Variants in CRNN observed in about 807,000 individuals in gnomAD.
CRNN encodes cornulin, also known as 53 kDa putative calcium-binding protein.
Under a neutral mutation model 44.7 loss-of-function variants are expected in CRNN, and 39 were observed. The ratio of observed to expected loss-of-function variants is 0.87; its 90% confidence interval spans 0.68 to 1.14. CRNN has a LOEUF of 1.14. CRNN is among the 50% of genes most tolerant of loss of function. The pLI, the probability that CRNN is intolerant of heterozygous loss-of-function variation, is 0.00. For synonymous variants in CRNN, 240 were observed against 231.8 expected (o/e 1.04, Z -0.32); for missense variants, 606 against 605.1 (o/e 1.00, Z -0.02).
chr1:152,409,790 C>T lies in CRNN; in HGVS notation c.1292G>A (p.Gly431Glu). 6.2e-7 allele frequency: 1 copy of T among 1,614,226 alleles called. No homozygotes were observed. Among genetic ancestry groups the T allele is most frequent in the Admixed American group, 1.7e-5 (1 of 60,024 alleles). Residue 431 changes from glycine (G) to glutamate (E), a missense_variant, in exon 3 of 3, where the codon GGA becomes GAA. Gly to Glu is a moderately conservative substitution (Grantham distance 98). Transcript: ENST00000271835. Reference protein sequence around the residue: ...HPRRCVTEGQGDRQPTVVGEE... With the variant: ...HPRRCVTEGQEDRQPTVVGEE... ...ACCAACCACTGTGGGCTGTCTGTCT[C>T]CCTGCCCTTCTGTCACACAGCGCCT...
At position 152,410,349 on chromosome 1, in the gene CRNN, C is replaced by A; in HGVS notation, c.733G>T (p.Asp245Tyr). 1 of 1,614,162 alleles carries A rather than the reference C, an allele frequency of 6.2e-7. No homozygotes were observed. The highest frequency in any genetic ancestry group is 8.5e-7 in the Non-Finnish European group (1 of 1,180,034). ...GTTCTTCCTGTCTGGTGGCTGCTGT[C>A]CTGCTCCACAGTCTGGGTGGCACCT... ...QAGATQTVEQ[D>Y]SSHQTGRTSK... Residue 245 changes from aspartate to tyrosine, a missense_variant, in exon 3 of 3, where the codon GAC becomes TAC. By Grantham distance (160) the Asp-to-Tyr change is radical. Coordinates refer to ENST00000271835, the MANE Select transcript of CRNN (RefSeq NM_016190.3).
rs79051784 is a variant in CRNN, at chr1:152,414,260, G to A, written c.-60C>T. 9.5e-3 allele frequency: 1,443 copies of A among 152,484 alleles called. 28 individuals carry two copies. Among genetic ancestry groups the A allele is most frequent in the African/African-American group, 0.034 (1,398 of 41,570 alleles). 9.4% of individuals were successfully genotyped at this position (152,484 alleles called of 1,614,324 possible). On this transcript the variant is annotated 5_prime_UTR_variant, in exon 1 of 3. Coordinates refer to ENST00000271835, the MANE Select transcript of CRNN (RefSeq NM_016190.3). ...ACAAGTGGCTGTTAAGTGGTGTGAGGAGTACCAGGTCAGTGTGATGAGAAC... is the reference window on the plus strand; with the variant it reads ...ACAAGTGGCTGTTAAGTGGTGTGAGAAGTACCAGGTCAGTGTGATGAGAAC...
rs150413564 is a variant in CRNN at position 152,409,978 on chromosome 1, G to A, written c.1104C>T (p.His368=). 7.5e-4 allele frequency: 1,214 copies of A among 1,614,028 alleles called. 5 individuals carry two copies. Among genetic ancestry groups the A allele is most frequent in the Admixed American group, 2.7e-3 (159 of 60,000 alleles). The change falls in exon 3 of 3, where the codon CAC becomes CAT. Residue 368 remains histidine, a synonymous_variant. Transcript: ENST00000271835. ...VEQDRSQTVS[H]GGAREQGQTQ... ...TCTGTCCCTGTTCTCTAGCCCCTCCGTGGCTTACAGTTTGGCTTCTGTCCT... is the reference window on the plus strand; with the variant it reads ...TCTGTCCCTGTTCTCTAGCCCCTCCATGGCTTACAGTTTGGCTTCTGTCCT...
chr1:152,410,858 A>T lies in CRNN; in HGVS notation c.224T>A (p.Leu75Gln), dbSNP rs752047645. 5.6e-6 allele frequency: 9 copies of T among 1,614,246 alleles called. No homozygotes were observed. In the East Asian group the frequency reaches 2.0e-4, roughly 36 times the overall value. The change falls in exon 3 of 3, where the codon CTG becomes CAG. Residue 75 changes from leucine to glutamine, a missense_variant. Coordinates refer to ENST00000271835, the MANE Select transcript of CRNN (RefSeq NM_016190.3). The stretch of plus-strand genomic sequence containing the variant: ...CTGGGCAACTTTAAACACTAAGACC[A>T]GGAATTCCTTGAATTCCACAGTCCC... ...HTGTVEFKEF[L>Q]VLVFKVAQAC...
intron 1 of CRNN, among the ~76,000 whole-genome samples, chr1:152,412,990 C>T (rs773293617): frequency 3.9e-5 from 6 of 152,094 alleles, no homozygotes; most frequent in Admixed American, 6.5e-5. Context: ...GGACACAGCC[C>T]TCCCTTCTTG....
intron 1 of CRNN, among the ~76,000 whole-genome samples, chr1:152,413,988 CCA>C (rs1318300005): frequency 2.6e-5 from 4 of 152,242 alleles, no homozygotes; most frequent in Admixed American, 1.3e-4. Flanking sequence ...TAGCCGCTGC[CCA>C]CACAGTTTCC....
chr1:152,412,741 T>A (rs1655805316), intron 1 of CRNN, among the ~76,000 whole-genome samples: 1 of 152,212 alleles, frequency 6.6e-6, no homozygotes, highest in African/African-American at 2.4e-5. Context: ...TTCCACTTTT[T>A]TTTATAGGTG....
rs779758049 is a variant in CRNN, at chr1:152,410,238, C to T, written c.844G>A (p.Val282Met). ...GQGRSQTSQA[V>M]TGGHAQIQAG... ...TGTATCTGAGCATGTCCTCCTGTCA[C>T]AGCCTGGCTGGTCTGGCTCCTGCCT... The change falls in exon 3 of 3, where the codon GTG (valine) becomes ATG (methionine). Residue 282 changes from valine (V) to methionine (M), a missense_variant. By Grantham distance (21) the Val-to-Met change is conservative. Transcript: ENST00000271835. 2 of 1,613,728 alleles carry T rather than the reference C, an allele frequency of 1.2e-6. No individual in the cohort carries two copies. The highest frequency in any genetic ancestry group is 4.5e-5 in the East Asian group (2 of 44,830).
At position 152,410,433 on chromosome 1, in the gene CRNN, G is replaced by C; in HGVS notation, c.649C>G (p.Gln217Glu). ...RPERQPQTRE[Q>E]DRAHQTGETV... ...TCACCTGTCTGGTGGGCTCTGTCCT[G>C]TTCCCTGGTCTGTGGCTGTCTCTCT... The change falls in exon 3 of 3, where the codon CAG becomes GAG. Residue 217 changes from glutamine to glutamate, a missense_variant. Coordinates refer to ENST00000271835, the MANE Select transcript of CRNN (RefSeq NM_016190.3). 2 of 1,614,196 alleles carry C rather than the reference G, an allele frequency of 1.2e-6. No homozygotes were observed. The highest frequency in any genetic ancestry group is 1.7e-6 in the Non-Finnish European group (2 of 1,180,042).
In CRNN at chr1:152,410,344, G is replaced by T. The variant is rs1557914989; in HGVS notation, c.738C>A (p.Ser246Arg). ...AGATQTVEQDSSHQTGRTSKQ... is the reference protein window; with the variant it reads ...AGATQTVEQDRSHQTGRTSKQ... ...TGCTGGTTCTTCCTGTCTGGTGGCT[G>T]CTGTCCTGCTCCACAGTCTGGGTGG... is the stretch of plus-strand genomic sequence containing the variant. Residue 246 changes from serine (S) to arginine (R), a missense_variant, in exon 3 of 3, where the codon AGC becomes AGA. Ser to Arg is a moderately radical substitution (Grantham distance 110). Transcript: ENST00000271835. The T allele has an allele frequency of 6.2e-7, 1 of 1,613,370 alleles. No homozygotes were observed. The highest frequency in any genetic ancestry group is 8.5e-7 in the Non-Finnish European group (1 of 1,179,870).
rs953398178 is a variant in CRNN at position 152,409,808 on chromosome 1, C to T, written c.1274G>A (p.Cys425Tyr). 6 of 1,614,132 alleles carry T rather than the reference C, an allele frequency of 3.7e-6. No homozygotes were observed. The change falls in exon 3 of 3, where the codon TGT becomes TAT. Residue 425 changes from cysteine (C) to tyrosine (Y), a missense_variant. By Grantham distance (194) the Cys-to-Tyr change is radical. Coordinates refer to ENST00000271835, the MANE Select transcript of CRNN (RefSeq NM_016190.3). ...QEWSSTHPRR[C>Y]VTEGQGDRQP... ...TCTGTCTCCCTGCCCTTCTGTCACA[C>T]AGCGCCTTGGGTGAGTGCTGCTCCA... is the stretch of plus-strand genomic sequence containing the variant.
chr1:152,412,326 C>T, intron 1 of CRNN, 80 bp from the exon 2 acceptor site: 4 of 1,387,320 alleles, frequency 2.9e-6, no homozygotes, highest in African/African-American at 1.4e-5. Context: ...GCTGCTAGGT[C>T]TTTCCTTGCA....
chr1:152,410,641 C>G lies in CRNN; in HGVS notation c.441G>C (p.Gln147His). 1 of 1,614,134 alleles carries G rather than the reference C, an allele frequency of 6.2e-7. No individual in the cohort carries two copies. Among genetic ancestry groups the G allele is most frequent in the Non-Finnish European group, 8.5e-7 (1 of 1,180,002 alleles). Residue 147 changes from glutamine to histidine, a missense_variant, in exon 3 of 3, where the codon CAG becomes CAC. Transcript: ENST00000271835. ...CCTGGGTCTGAACCCCAGGCCTGTT[C>G]TGCCCTCTGGAACCCTGCTGGCTCT... ...HRQSQQGSRG[Q>H]NRPGVQTQGQ... is the part of the protein sequence containing the mutation.
chr1:152,409,779 G>A lies in CRNN; in HGVS notation c.1303C>T (p.Pro435Ser). The A allele has an allele frequency of 6.2e-7, 1 of 1,614,180 alleles. No homozygotes were observed. The highest frequency in any genetic ancestry group is 8.5e-7 in the Non-Finnish European group (1 of 1,180,026). The part of the protein sequence containing the change: ...CVTEGQGDRQ[P>S]TVVGEEWVDD... ...ACCCATTCCTCACCAACCACTGTGG[G>A]CTGTCTGTCTCCCTGCCCTTCTGTC... Residue 435 changes from proline to serine, a missense_variant, in exon 3 of 3, where the codon CCC becomes TCC. Coordinates refer to ENST00000271835, the MANE Select transcript of CRNN (RefSeq NM_016190.3).
rs368129633 is a variant in CRNN, at chr1:152,412,132, T to C, written c.102A>G (p.Lys34=). 4.6e-4 allele frequency: 748 copies of C among 1,612,246 alleles called. 2 individuals carry two copies. Among genetic ancestry groups the C allele is most frequent in the Non-Finnish European group, 5.9e-4 (698 of 1,178,630 alleles). Residue 34 remains lysine, a synonymous_variant, in exon 2 of 3, where the codon AAA becomes AAG. Coordinates refer to ENST00000271835, the MANE Select transcript of CRNN (RefSeq NM_016190.3). ...CGGCAAACTCTTGCTCCAAGAGTCT[T>C]TTCAGCTCCCCTCGGGTGAGCGCTG... ...NCTALTRGEL[K]RLLEQEFADV... is the part of the protein sequence containing the mutation.
In CRNN at chr1:152,412,107, C is replaced by G. The variant is rs570045971; in HGVS notation, c.127G>C (p.Asp43His). 1.9e-6 allele frequency: 3 copies of G among 1,607,946 alleles called. No individual in the cohort carries two copies. The highest frequency in any genetic ancestry group is 1.7e-5 in the Admixed American group (1 of 59,824). ...TCAGCACACCGTACCACAATCACAT[C>G]GGCAAACTCTTGCTCCAAGAGTCTT... ...LKRLLEQEFA[D>H]VIVKPHDPAT... is the part of the protein sequence containing the mutation. Residue 43 changes from aspartate to histidine, a missense_variant, in exon 2 of 3, where the codon GAT becomes CAT. Asp to His is a moderately conservative substitution (Grantham distance 81). Coordinates refer to ENST00000271835, the MANE Select transcript of CRNN (RefSeq NM_016190.3).
rs199978222 is a variant in CRNN, at chr1:152,410,255, C to T, written c.827G>A (p.Ser276Asn). The T allele has an allele frequency of 2.5e-6, 4 of 1,613,722 alleles. No individual in the cohort carries two copies. The highest frequency in any genetic ancestry group is 3.4e-6 in the Non-Finnish European group (4 of 1,179,950). Reference protein sequence around the residue: ...RGTETHGQGRSQTSQAVTGGH... With the variant: ...RGTETHGQGRNQTSQAVTGGH... ...TCCTGTCACAGCCTGGCTGGTCTGG[C>T]TCCTGCCTTGACCGTGGGTCTCAGT... The change falls in exon 3 of 3, where the codon AGC becomes AAC. Residue 276 changes from serine to asparagine, a missense_variant. Ser to Asn is a conservative substitution (Grantham distance 46, BLOSUM62 1). Coordinates refer to ENST00000271835, the MANE Select transcript of CRNN (RefSeq NM_016190.3).
intron 1 of CRNN, among the ~76,000 whole-genome samples, 176 bp from the exon 2 acceptor site, chr1:152,412,422 C>G (rs892291840): frequency 2.6e-5 from 4 of 152,130 alleles, no homozygotes; most frequent in Non-Finnish European, 5.9e-5. Flanking sequence ...AGGATGGAGG[C>G]AGGTTCCTGA....
At position 152,410,211 on chromosome 1, in the gene CRNN, C is replaced by A. The variant is rs1308247004; in HGVS notation, c.871G>T (p.Ala291Ser). Residue 291 changes from alanine to serine, a missense_variant, in exon 3 of 3, where the codon GCA becomes TCA. Ala to Ser is a moderately conservative substitution (Grantham distance 99, BLOSUM62 1). Transcript: ENST00000271835. ...GTGGGTGTCTGGGTGTGTGTCCCTG[C>A]CTGTATCTGAGCATGTCCTCCTGTC... The part of the protein sequence containing the change: ...AVTGGHAQIQ[A>S]GTHTQTPTQT... 1.2e-6 allele frequency: 2 copies of A among 1,613,456 alleles called. No individual in the cohort carries two copies. Among genetic ancestry groups the A allele is most frequent in the African/African-American group, 1.3e-5 (1 of 74,776 alleles).
Sources: allele counts gnomAD v4.1 joint callset (sites outside exome capture counted in the v4.1 genomes callset), GRCh38; gene constraint gnomAD v4.1.1; transcripts MANE v1.5; gene names NCBI Gene and HGNC (gene_info 2026-07-23, HGNC 2026-07-21).